Variants in OSBPL9 observed in about 807,000 individuals in gnomAD.
OSBPL9 encodes the protein oxysterol-binding protein-related protein 9.
OSBPL9 carries 40 observed loss-of-function variants against 106.6 expected under a neutral mutation model. The observed-to-expected ratio is 0.38, with a 90% CI of 0.29 to 0.49. OSBPL9 has a LOEUF of 0.49. Ranked by LOEUF, OSBPL9 falls within the 20% of genes least tolerant of loss-of-function variation. The pLI is 0.97. For synonymous variants in OSBPL9, 269 were observed against 295.4 expected (o/e 0.91, Z 0.92); for missense variants, 609 against 887.2 (o/e 0.69, Z 3.98).
At chr1:51,571,059 A>C in the OSBPL9 span, among the ~76,000 whole-genome samples, 1 of 152,076 alleles carries the variant, frequency 6.6e-6, no homozygotes, top group Admixed American at 6.6e-5. Flanking sequence ...GACAGGCGTG[A>C]GTCACCACAC....
intron 3 of OSBPL9, among the ~76,000 whole-genome samples, chr1:51,683,211 G>A (rs572524651): frequency 1.2e-4 from 18 of 151,592 alleles, no homozygotes; most frequent in African/African-American, 1.5e-4. Flanking sequence ...ATGGAGTTTC[G>A]CTCTTGTTGC....
At chr1:51,639,094 C>T (rs1033784860) in intron 1 of OSBPL9, among the ~76,000 whole-genome samples, 1 of 152,136 alleles carries the variant, frequency 6.6e-6, no homozygotes, top group African/African-American at 2.4e-5. Context: ...GTAAAAAACA[C>T]ATATTTTAAG....
chr1:51,628,630 T>A (rs530659040), intron 1 of OSBPL9, among the ~76,000 whole-genome samples: 184 of 151,824 alleles, frequency 1.2e-3, no homozygotes, highest in African/African-American at 4.3e-3. Flanking sequence ...CTAAATTTTT[T>A]ATTATGACTT....
chr1:51,728,181 A>G (rs1428480717), intron 4 of OSBPL9, among the ~76,000 whole-genome samples: 1 of 152,244 alleles, frequency 6.6e-6, no homozygotes, highest in African/African-American at 2.4e-5. Context: ...GCCATTGTTA[A>G]ATATTGAATT....
intron 2 of OSBPL9, among the ~76,000 whole-genome samples, chr1:51,657,833 C>T (rs1037114243): frequency 6.6e-6 from 1 of 152,120 alleles, no homozygotes; most frequent in Admixed American, 6.6e-5. Context: ...CTTGGTGGCT[C>T]ATGCCTGTAA....
intron 1 of OSBPL9, among the ~76,000 whole-genome samples, chr1:51,582,188 C>T (rs2148599175): frequency 6.6e-6 from 1 of 152,270 alleles, no homozygotes; most frequent in African/African-American, 2.4e-5. Flanking sequence ...TTCCAGGTAC[C>T]TGGAATTATA....
chr1:51,586,093 A>G (rs1645246001), intron 1 of OSBPL9, among the ~76,000 whole-genome samples: 1 of 149,118 alleles, frequency 6.7e-6, no homozygotes, highest in South Asian at 2.1e-4. Context: ...AGAATCACTT[A>G]AACCCAGGAG....
intron 1 of OSBPL9, 100 bp from the exon 2 acceptor site, chr1:51,651,891 G>A (rs972316749): frequency 5.9e-6 from 5 of 852,448 alleles, no homozygotes; most frequent in African/African-American, 5.1e-5. Context: ...GAAGGGATGG[G>A]TATTACTGTA....
At chr1:51,682,169 A>T (rs1264867804) in intron 3 of OSBPL9, among the ~76,000 whole-genome samples, 1 of 152,278 alleles carries the variant, frequency 6.6e-6, no homozygotes, top group African/African-American at 2.4e-5. Flanking sequence ...ACGCCACTGC[A>T]TTCCAGCCTG....
intron 1 of OSBPL9, among the ~76,000 whole-genome samples, chr1:51,595,997 C>T (rs1193939501): frequency 6.6e-6 from 1 of 152,132 alleles, no homozygotes; most frequent in Admixed American, 6.5e-5. Flanking sequence ...TGCCTCACGC[C>T]TGTAACTCCA....
rs1198966354 is a variant in OSBPL9 at position 51,788,495 on chromosome 1, G to T, written c.*706G>T. 6.6e-6 allele frequency: 1 copy of T among 152,074 alleles called. No homozygotes were observed. Among genetic ancestry groups the T allele is most frequent in the African/African-American group, 2.4e-5 (1 of 41,224 alleles). The allele number at this position is 152,074 out of a possible 1,614,324, so 9.4% of individuals were successfully genotyped here. ...TGTGCATCTTTTATTATCTTTTATGGTTAAACTTGGAAGCCAATTATTTGG... is the reference window on the plus strand; with the variant it reads ...TGTGCATCTTTTATTATCTTTTATGTTTAAACTTGGAAGCCAATTATTTGG... On this transcript the variant is annotated 3_prime_UTR_variant, in exon 24 of 24. Transcript: ENST00000428468.
intron 1 of OSBPL9, among the ~76,000 whole-genome samples, chr1:51,637,573 A>G (rs1645528713): frequency 6.6e-6 from 1 of 152,268 alleles, no homozygotes; most frequent in African/African-American, 2.4e-5. Context: ...TTAAAGCACT[A>G]GCACAGTGTC....
chr1:51,538,024 C>T, the OSBPL9 span, among the ~76,000 whole-genome samples: 2 of 151,984 alleles, frequency 1.3e-5, no homozygotes, highest in East Asian at 3.9e-4. Flanking sequence ...GGCATGGTGG[C>T]TCATGCCTGT....
At chr1:51,707,898 G>A in intron 3 of OSBPL9, 1 of 239,348 alleles carries the variant, frequency 4.2e-6, no homozygotes, top group Non-Finnish European at 8.5e-6. Flanking sequence ...ATTTGATTTT[G>A]GTGGGATCTC....
At chr1:51,564,598 G>A in the OSBPL9 span, among the ~76,000 whole-genome samples, 4 of 152,206 alleles carry the variant, frequency 2.6e-5, no homozygotes, top group Admixed American at 2.6e-4. Context: ...CTTTGGTTGT[G>A]ACCATTTGTC....
chr1:51,519,493 C>T, the OSBPL9 span, among the ~76,000 whole-genome samples: 1 of 151,874 alleles, frequency 6.6e-6, no homozygotes, highest in Non-Finnish European at 1.5e-5. Flanking sequence ...CCGGGGCCGC[C>T]TTGGAAAACC....
chr1:51,745,315 G>A, intron 4 of OSBPL9: 1 of 521,938 alleles, frequency 1.9e-6, no homozygotes. Flanking sequence ...GCAGCAGCAT[G>A]TGTAACTGCT....
the OSBPL9 span, chr1:51,519,140 G>C: frequency 8.0e-7 from 1 of 1,251,464 alleles, no homozygotes. Flanking sequence ...GCGAAGCTGA[G>C]GGCGGTGGGG....
chr1:51,696,880 A>G (rs965324296), intron 3 of OSBPL9, among the ~76,000 whole-genome samples: 8 of 152,090 alleles, frequency 5.3e-5, no homozygotes, highest in African/African-American at 1.9e-4. Flanking sequence ...TAGTTGGGAT[A>G]TAGGCTCATG....
Sources: allele counts gnomAD v4.1 joint callset (sites outside exome capture counted in the v4.1 genomes callset), GRCh38; gene constraint gnomAD v4.1.1; transcripts MANE v1.5; gene names NCBI Gene and HGNC (gene_info 2026-07-23, HGNC 2026-07-21).